Variants in TTLL11 observed in about 807,000 individuals in gnomAD.
TTLL11 encodes tubulin polyglutamylase TTLL11.
In TTLL11, 42 loss-of-function variants were observed where a neutral mutation model predicts 51.7. The observed-to-expected ratio is 0.81, with a 90% CI of 0.64 to 1.05. TTLL11 has a LOEUF of 1.05. Among genes scored for constraint, TTLL11 ranks in the 50% least tolerant of loss-of-function variants. TTLL11 has a pLI of 0.00. For missense variants in TTLL11, 799 were observed against 940.4 expected, an observed-to-expected ratio of 0.85 and a Z score of 1.97; for synonymous variants, 381 against 383.5, an observed-to-expected ratio of 0.99 and a Z score of 0.08.
At chr9:121,873,294 T>A (rs2131401423) in intron 6 of TTLL11, among the ~76,000 whole-genome samples, 2 of 152,216 alleles carry the variant, frequency 1.3e-5, no homozygotes, top group South Asian at 4.2e-4. Flanking sequence ...TGCACCTGTA[T>A]CATCTAGCTG....
In TTLL11 at chr9:121,824,496, A is replaced by G. The variant is rs565866068; in HGVS notation, c.1841-1617T>C. Among the ~76,000 whole-genome samples the G allele has an allele frequency of 8.8e-5, 13 of 147,130 alleles. No individual in the cohort carries two copies. The South Asian group carries it at 2.9e-3, about 33-fold the overall frequency. On this transcript the variant is annotated intron_variant, in intron 8 of 8. Transcript: ENST00000321582. ...TCCATCTCAAAAAAAAAAAAAAAAG[A>G]AAAGAAAAAAAGAAACTGATAGAGA...
intron 8 of TTLL11, among the ~76,000 whole-genome samples, chr9:121,843,382 G>C (rs1365458610): frequency 8.5e-5 from 13 of 152,138 alleles, no homozygotes; most frequent in African/African-American, 2.9e-4. Flanking sequence ...GGAGCCAGGA[G>C]CTGATAAGAA....
At chr9:121,985,473 A>G (rs981605993) in intron 4 of TTLL11, among the ~76,000 whole-genome samples, 2 of 150,896 alleles carry the variant, frequency 1.3e-5, no homozygotes, top group Admixed American at 6.6e-5. Context: ...AGAATAAAGT[A>G]AGAGAGGGCT....
At position 121,815,996 on chromosome 9, in the gene TTLL11, T is replaced by A. The variant is rs967832165; in HGVS notation, c.*6591A>T. On this transcript the variant is annotated 3_prime_UTR_variant, in exon 9 of 9. Transcript: ENST00000321582. Reference sequence around the variant, plus strand: ...CCGCACGTCGAGACCCTTCCTTTTCTCGACAGACATGTATTAAGACACTTC... The same window carrying A: ...CCGCACGTCGAGACCCTTCCTTTTCACGACAGACATGTATTAAGACACTTC... 1 of 152,076 alleles carries A rather than the reference T, an allele frequency of 6.6e-6. No individual in the cohort carries two copies. The highest frequency in any genetic ancestry group is 1.5e-5 in the Non-Finnish European group (1 of 68,004). The allele number at this position is 152,076 out of a possible 1,614,324, so 9.4% of individuals were successfully genotyped here. A position where few individuals can be genotyped will look rare whatever the true frequency, so the allele number is the denominator to read the frequency against.
At chr9:121,915,298 G>A (rs180862549) in intron 6 of TTLL11, among the ~76,000 whole-genome samples, 3 of 152,300 alleles carry the variant, frequency 2.0e-5, no homozygotes, top group East Asian at 3.9e-4. Flanking sequence ...TAAACCATAC[G>A]AAATAGCAGA....
chr9:121,954,093 G>C (rs935680053), intron 6 of TTLL11, among the ~76,000 whole-genome samples: 1 of 152,232 alleles, frequency 6.6e-6, no homozygotes, highest in African/African-American at 2.4e-5. Flanking sequence ...CTGTATGTGA[G>C]AAAGAACCAC....
At chr9:122,033,889 C>T (rs926489983) in intron 2 of TTLL11, among the ~76,000 whole-genome samples, 1 of 152,204 alleles carries the variant, frequency 6.6e-6, no homozygotes, top group Non-Finnish European at 1.5e-5. Flanking sequence ...CTGTTCTGAG[C>T]TTCCCAAGAA....
In TTLL11 at chr9:121,822,755, C is replaced by T; in HGVS notation, c.1965G>A (p.Leu655=). 1 of 1,551,686 alleles carries T rather than the reference C, an allele frequency of 6.4e-7. No individual in the cohort carries two copies. The highest frequency in any genetic ancestry group is 8.7e-7 in the Non-Finnish European group (1 of 1,146,980). ...GGCCACACACCAGGCGTTTTTCATCCAGCAGGGACAGGTGGTACTCGCAAA... is the reference window on the plus strand; with the variant it reads ...GGCCACACACCAGGCGTTTTTCATCTAGCAGGGACAGGTGGTACTCGCAAA... The part of the protein sequence containing the change: ...IDLCEYHLSL[L]DEKRLVCGRG... Residue 655 remains leucine, a synonymous_variant, in exon 9 of 9, where the codon CTG becomes CTA. Coordinates refer to ENST00000321582, the MANE Select transcript of TTLL11 (RefSeq NM_001139442.2). The surrounding 1 kb of genome is among the most constrained non-coding windows in gnomAD (Gnocchi z 5.8).
At chr9:121,909,679 G>A (rs2131496837) in intron 6 of TTLL11, among the ~76,000 whole-genome samples, 1 of 152,266 alleles carries the variant, frequency 6.6e-6, no homozygotes, top group African/African-American at 2.4e-5. Context: ...TGTATCCATG[G>A]AAGATGTTAT....
At chr9:121,942,742 T>A (rs571740865) in intron 6 of TTLL11, among the ~76,000 whole-genome samples, 22 of 119,806 alleles carry the variant, frequency 1.8e-4, no homozygotes, top group African/African-American at 4.8e-4. Flanking sequence ...TGTCTTATTT[T>A]TTTTTTTTTT....
rs557298412 is a variant in TTLL11 at position 121,955,856 on chromosome 9, C to T, written c.1481+18153G>A. ...CCAAATTTTCTGAGGGAAAATAGAG[C>T]TCACAGCCTCAGGGTAATCAGATAA... On this transcript the variant is annotated intron_variant, in intron 6 of 8. Coordinates refer to ENST00000321582, the MANE Select transcript of TTLL11 (RefSeq NM_001139442.2). 4.3e-4 allele frequency among the ~76,000 whole-genome samples: 66 copies of T among 152,208 alleles called. 1 individual carries two copies. Among genetic ancestry groups the T allele is most frequent in the Admixed American group, 2.6e-3 (39 of 15,286 alleles).
At chr9:122,079,111 G>A (rs1845936962) in intron 1 of TTLL11, among the ~76,000 whole-genome samples, 1 of 152,032 alleles carries the variant, frequency 6.6e-6, no homozygotes, top group Admixed American at 6.6e-5. Context: ...TATATATCAG[G>A]AGAGAACTGC....
intron 6 of TTLL11, among the ~76,000 whole-genome samples, chr9:121,972,301 G>A (rs889210454): frequency 3.3e-5 from 5 of 152,184 alleles, no homozygotes; most frequent in Admixed American, 2.6e-4. Flanking sequence ...ATAGATTTTT[G>A]AGGAATGAGT....
chr9:122,070,622 TC>T (rs1400577414), intron 1 of TTLL11, among the ~76,000 whole-genome samples: 6 of 152,068 alleles, frequency 3.9e-5, no homozygotes, highest in Admixed American at 2.0e-4. Flanking sequence ...AAAATGATCT[TC>T]CAGTAGGGCT....
chr9:121,896,012 GGTT>G (rs764801726), intron 6 of TTLL11, among the ~76,000 whole-genome samples: 2 of 131,396 alleles, frequency 1.5e-5, no homozygotes, highest in African/African-American at 5.7e-5. Context: ...GTGTATGTGT[GGTT>G]GTGTGTGTGT....
chr9:121,855,088 G>T (rs1027120028), intron 8 of TTLL11, among the ~76,000 whole-genome samples: 1 of 152,158 alleles, frequency 6.6e-6, no homozygotes, highest in Non-Finnish European at 1.5e-5. Flanking sequence ...GGTTCCTTAG[G>T]TGGGGAGAGC....
At chr9:122,030,728 C>T (rs1478092837) in intron 3 of TTLL11, among the ~76,000 whole-genome samples, 1 of 150,204 alleles carries the variant, frequency 6.7e-6, no homozygotes, top group East Asian at 2.0e-4. Flanking sequence ...TCGAGACCAG[C>T]CTGGCCAACA....
intron 6 of TTLL11, among the ~76,000 whole-genome samples, chr9:121,924,611 G>A (rs976946513): frequency 3.9e-5 from 6 of 152,262 alleles, no homozygotes; most frequent in African/African-American, 1.4e-4. Context: ...GGAGGACAGA[G>A]GAGAAGATGA....
At chr9:121,824,726 G>A (rs572681688) in intron 8 of TTLL11, among the ~76,000 whole-genome samples, 3 of 152,288 alleles carry the variant, frequency 2.0e-5, no homozygotes, top group Admixed American at 6.5e-5. Flanking sequence ...CGGGAAAGGT[G>A]ACAGTAAGGT....
Sources: gnomAD v4.1 joint callset for allele counts (sites outside exome capture counted in the v4.1 genomes callset) on GRCh38, gnomAD v4.1.1 for gene constraint, Gnocchi (gnomAD v3.1) non-coding constraint, MANE v1.5 for transcripts, NCBI Gene and HGNC (gene_info 2026-07-23, HGNC 2026-07-21) for gene names.